TRIM55: variants seen among roughly 807,000 people sequenced by gnomAD.
The protein encoded by TRIM55 is tripartite motif containing 55.
A neutral mutation model predicts 60.9 loss-of-function variants in TRIM55; 50 were observed. That is an observed-to-expected ratio of 0.82 (90% CI 0.65 to 1.04). TRIM55 has a LOEUF of 1.04. Among genes scored for constraint, TRIM55 ranks in the 50% least tolerant of loss-of-function variants. TRIM55 has a pLI of 0.00. For synonymous variants in TRIM55, 237 were observed against 238.1 expected, an observed-to-expected ratio of 1.00 and a Z score of 0.04; for missense variants, 681 against 666.9, an observed-to-expected ratio of 1.02 and a Z score of -0.23.
At chr8:66,118,304 C>G in the TRIM55 span, among the ~76,000 whole-genome samples, 3,761 of 148,490 alleles carry the variant, frequency 0.025, 137 homozygotes, top group African/African-American at 0.087. Context: ...GAGTGATTAT[C>G]AAATGAACAA....
chr8:66,114,679 A>T, the TRIM55 span: 9 of 455,904 alleles, frequency 2.0e-5, no homozygotes, highest in East Asian at 4.9e-4. Context: ...CAACCGAGGA[A>T]GCAGGAACTG....
intron 9 of TRIM55, among the ~76,000 whole-genome samples, chr8:66,164,173 C>T (rs547725496): frequency 2.0e-5 from 3 of 152,160 alleles, no homozygotes; most frequent in Non-Finnish European, 2.9e-5. Flanking sequence ...GTCATTAAGG[C>T]GTTATTCCAC....
chr8:66,114,712 A>C, the TRIM55 span: 1 of 448,824 alleles, frequency 2.2e-6, no homozygotes. Flanking sequence ...TCAAGTCCGC[A>C]GGGCGGACTG....
At chr8:66,118,111 G>A in the TRIM55 span, among the ~76,000 whole-genome samples, 946 of 140,100 alleles carry the variant, frequency 6.8e-3, 8 homozygotes, top group African/African-American at 0.024. Context: ...GGAGCTTGCA[G>A]TGAGCCGAGA....
chr8:66,131,067 TATA>T (rs1563633973), intron 2 of TRIM55, among the ~76,000 whole-genome samples: 1 of 152,012 alleles, frequency 6.6e-6, no homozygotes, highest in African/African-American at 2.4e-5. Context: ...TAATAATTAA[TATA>T]ATAATAATTA....
chr8:66,150,880 G>A (rs1445844819), intron 7 of TRIM55, among the ~76,000 whole-genome samples: 2 of 152,140 alleles, frequency 1.3e-5, no homozygotes, highest in African/African-American at 4.8e-5. Context: ...TGGCCAGGCT[G>A]GTCTCGAACT....
chr8:66,138,176 C>A (rs1809593752), intron 4 of TRIM55, among the ~76,000 whole-genome samples: 1 of 152,112 alleles, frequency 6.6e-6, no homozygotes, highest in Admixed American at 6.5e-5. Flanking sequence ...TGTGTGCAAG[C>A]CTCTCTTGTT....
At chr8:66,124,740 C>T (rs138217436), upstream of TRIM55, among the ~76,000 whole-genome samples, 127 of 152,334 alleles carry the variant, frequency 8.3e-4, no homozygotes, top group Non-Finnish European at 1.5e-3. Flanking sequence ...AAGATTTAAA[C>T]GCTACATACC....
the TRIM55 span, among the ~76,000 whole-genome samples, chr8:66,120,994 A>T: frequency 6.6e-6 from 1 of 152,198 alleles, no homozygotes; most frequent in East Asian, 1.9e-4. Flanking sequence ...CAGGTAGGTC[A>T]TGTCAGAATT....
chr8:66,147,018 A>G (rs16932564), intron 4 of TRIM55, among the ~76,000 whole-genome samples: 24,897 of 151,952 alleles, frequency 0.16, 3,318 homozygotes, highest in African/African-American at 0.37. Context: ...GCTCCCCTCA[A>G]AGTTCCTCCA....
intron 2 of TRIM55, 101 bp downstream of exon 2, chr8:66,128,577 C>T: frequency 7.7e-7 from 1 of 1,302,472 alleles, no homozygotes; most frequent in South Asian, 1.4e-5. Flanking sequence ...TTATCAATCA[C>T]AGACTGTTTT....
intron 4 of TRIM55, among the ~76,000 whole-genome samples, chr8:66,145,976 G>A (rs994170421): frequency 6.6e-6 from 1 of 152,236 alleles, no homozygotes. Flanking sequence ...ATGGCCTTGA[G>A]AAAGTGACAG....
At chr8:66,163,725 A>C (rs1394433862) in intron 9 of TRIM55, among the ~76,000 whole-genome samples, 1 of 152,246 alleles carries the variant, frequency 6.6e-6, no homozygotes, top group Non-Finnish European at 1.5e-5. Flanking sequence ...TTCCACATGC[A>C]TGTGAAAACA....
At chr8:66,119,537 C>T in the TRIM55 span, among the ~76,000 whole-genome samples, 53 of 152,330 alleles carry the variant, frequency 3.5e-4, no homozygotes, top group African/African-American at 1.2e-3. Flanking sequence ...GTTCTGGAAT[C>T]TTCAGGATTC....
the TRIM55 span, among the ~76,000 whole-genome samples, chr8:66,119,355 C>T: frequency 1.3e-5 from 2 of 152,204 alleles, no homozygotes; most frequent in Non-Finnish European, 2.9e-5. Flanking sequence ...CAAACCATAT[C>T]GGTTTTTTAT....
chr8:66,170,001 T>C (rs1811534464), intron 9 of TRIM55, among the ~76,000 whole-genome samples: 1 of 152,110 alleles, frequency 6.6e-6, no homozygotes, highest in African/African-American at 2.4e-5. Flanking sequence ...GCAATAAGTT[T>C]GTGTTTCTTT....
intron 9 of TRIM55, among the ~76,000 whole-genome samples, chr8:66,164,230 G>A (rs1392380952): frequency 6.6e-6 from 1 of 152,144 alleles, no homozygotes; most frequent in African/African-American, 2.4e-5. Flanking sequence ...CAACAAGCCT[G>A]CGTCCCCTTC....
Position 66,128,426 on chromosome 8 carries a change from G to A in TRIM55, c.291G>A (p.Arg97=). Residue 97 remains arginine, a synonymous_variant, in exon 2 of 10, where the codon AGG becomes AGA. Transcript: ENST00000315962. The part of the protein sequence containing the change: ...LDRHGVYGLQ[R]NLLVENIIDI... ...GACATGGGGTATATGGACTTCAGAG[G>A]AACCTGCTGGTGGAAAATATCATTG... The A allele has an allele frequency of 6.2e-7, 1 of 1,613,740 alleles. No homozygotes were observed. Among genetic ancestry groups the A allele is most frequent in the Admixed American group, 1.7e-5 (1 of 59,946 alleles).
rs1811829433 is a variant in TRIM55, at chr8:66,174,680, A to T, written c.*87A>T. ...CCCAAGTGAAATTAATATTATGCAG[A>T]TGATGAAAGGGACCTCTGAACAGGA... On this transcript the variant is annotated 3_prime_UTR_variant, in exon 10 of 10. Transcript: ENST00000315962. 2.2e-6 allele frequency: 3 copies of T among 1,379,594 alleles called. No homozygotes were observed. Among genetic ancestry groups the T allele is most frequent in the Admixed American group, 2.8e-5 (1 of 35,914 alleles). 85.5% of individuals were successfully genotyped at this position (1,379,594 alleles called of 1,614,324 possible).
Sources: allele counts gnomAD v4.1 joint callset (sites outside exome capture counted in the v4.1 genomes callset), GRCh38; gene constraint gnomAD v4.1.1; transcripts MANE v1.5; gene names NCBI Gene and HGNC (gene_info 2026-07-23, HGNC 2026-07-21).